Variants in LINGO2 observed in about 807,000 individuals in gnomAD.
LINGO2 encodes the protein leucine-rich repeat and immunoglobulin-like domain-containing nogo receptor-interacting protein 2.
In LINGO2, 14 loss-of-function variants were observed where a neutral mutation model predicts 30.6. The observed-to-expected ratio is 0.46, with a 90% CI of 0.30 to 0.72. The LOEUF (loss-of-function observed/expected upper bound fraction) is 0.72, where lower values mean the gene tolerates loss of function less well. Among genes scored for constraint, LINGO2 ranks in the 30% least tolerant of loss-of-function variants. LINGO2 has a pLI of 0.07. For synonymous variants in LINGO2, 317 were observed against 288.5 expected (o/e 1.10, Z -1.00); for missense variants, 729 against 751.7 (o/e 0.97, Z 0.35).
At chr9:28,594,942 T>C (rs1825103950) in intron 1 of LINGO2, among the ~76,000 whole-genome samples, 1 of 152,124 alleles carries the variant, frequency 6.6e-6, no homozygotes, top group Non-Finnish European at 1.5e-5. Context: ...CTGAACCAGT[T>C]ATTTTCTTTA....
intron 2 of LINGO2, among the ~76,000 whole-genome samples, chr9:28,473,104 T>C (rs1269107306): frequency 2.0e-5 from 3 of 152,156 alleles, no homozygotes; most frequent in Non-Finnish European, 4.4e-5. Context: ...TATTTTTTTC[T>C]TTACTGATCT....
intron 1 of LINGO2, among the ~76,000 whole-genome samples, chr9:28,564,555 G>A (rs1332927750): frequency 6.6e-6 from 1 of 152,028 alleles, no homozygotes; most frequent in African/African-American, 2.4e-5. Context: ...CACTGTTGTA[G>A]TTGCGTTACT....
intron 2 of LINGO2, among the ~76,000 whole-genome samples, chr9:28,421,126 T>A (rs1823177857): frequency 6.6e-6 from 1 of 151,920 alleles, no homozygotes; most frequent in Non-Finnish European, 1.5e-5. Context: ...AAATTCAAAG[T>A]TGTAGAACAC....
chr9:28,481,405 A>G (rs1392308854), intron 1 of LINGO2, among the ~76,000 whole-genome samples: 1 of 152,060 alleles, frequency 6.6e-6, no homozygotes, highest in Non-Finnish European at 1.5e-5. Flanking sequence ...TTTGTCCTCT[A>G]ATTTGCATGA....
chr9:28,717,529 TAAG>T, the LINGO2 span, among the ~76,000 whole-genome samples: 1 of 151,948 alleles, frequency 6.6e-6, no homozygotes, highest in African/African-American at 2.4e-5. Context: ...ACTAAAACTC[TAAG>T]GAGATTTCCC....
the LINGO2 span, among the ~76,000 whole-genome samples, chr9:28,790,566 C>T: frequency 6.6e-6 from 1 of 151,296 alleles, no homozygotes; most frequent in Non-Finnish European, 1.5e-5. Context: ...GATCTCCTGA[C>T]GTCGTGATCC....
At chr9:28,427,210 A>G (rs529443081) in intron 2 of LINGO2, among the ~76,000 whole-genome samples, 24 of 152,090 alleles carry the variant, frequency 1.6e-4, no homozygotes, top group Non-Finnish European at 3.1e-4. Flanking sequence ...ACAAGAAGAC[A>G]TAGTCTAGAG....
chr9:28,941,181 TA>T, the LINGO2 span, among the ~76,000 whole-genome samples: 1 of 152,138 alleles, frequency 6.6e-6, no homozygotes, highest in East Asian at 1.9e-4. Context: ...ATTTATTAGC[TA>T]TGGAAAGCTA....
At chr9:28,275,677 TA>T (rs1823091515) in intron 4 of LINGO2, among the ~76,000 whole-genome samples, 1 of 152,158 alleles carries the variant, frequency 6.6e-6, no homozygotes, top group Admixed American at 6.5e-5. Flanking sequence ...TAAGGCACTA[TA>T]AAAAACAAAG....
chr9:28,586,159 A>G lies in LINGO2; in HGVS notation c.-365+84041T>C, dbSNP rs544930997. ...TTTTAAAATTCAGCCACCGTGGAAC[A>G]TACCTGCAGGAGTTTCTTGTAATTT... On this transcript the variant is annotated intron_variant, in intron 1 of 5. Coordinates refer to ENST00000379992, the Ensembl canonical transcript of LINGO2. Among the ~76,000 whole-genome samples the G allele has an allele frequency of 1.5e-3, 224 of 152,210 alleles. 1 individual carries two copies. The highest frequency in any genetic ancestry group is 5.3e-3 in the African/African-American group (220 of 41,570).
intron 1 of LINGO2, among the ~76,000 whole-genome samples, chr9:28,547,709 A>C (rs1158833108): frequency 6.6e-6 from 1 of 152,138 alleles, no homozygotes; most frequent in Non-Finnish European, 1.5e-5. Context: ...TGAAAATGGA[A>C]TATTACTCAT....
chr9:28,243,730 G>C (rs1472198523), intron 4 of LINGO2, among the ~76,000 whole-genome samples: 1 of 151,956 alleles, frequency 6.6e-6, no homozygotes, highest in Admixed American at 6.6e-5. Context: ...AGAAGAAGAA[G>C]GGCGTTACAT....
chr9:28,945,087 T>C, the LINGO2 span, among the ~76,000 whole-genome samples: 1 of 152,122 alleles, frequency 6.6e-6, no homozygotes, highest in South Asian at 2.1e-4. Context: ...GAAAATTAAA[T>C]TACCCTAGGA....
intron 4 of LINGO2, among the ~76,000 whole-genome samples, chr9:28,264,197 G>C (rs1449175895): frequency 6.6e-6 from 1 of 151,858 alleles, no homozygotes; most frequent in Non-Finnish European, 1.5e-5. Context: ...GAACAGCACA[G>C]CTTTTCTATA....
intron 4 of LINGO2, among the ~76,000 whole-genome samples, chr9:28,294,059 T>G (rs1477613576): frequency 6.6e-6 from 1 of 152,216 alleles, no homozygotes; most frequent in Non-Finnish European, 1.5e-5. Flanking sequence ...TCTACACTAT[T>G]TCAAAAAATT....
At chr9:28,742,388 G>C in the LINGO2 span, among the ~76,000 whole-genome samples, 2 of 151,280 alleles carry the variant, frequency 1.3e-5, no homozygotes, top group African/African-American at 4.9e-5. Context: ...TGTCTGAGGA[G>C]GAATGAGTTG....
the LINGO2 span, among the ~76,000 whole-genome samples, chr9:28,702,106 T>G: frequency 6.6e-6 from 1 of 151,838 alleles, no homozygotes; most frequent in African/African-American, 2.4e-5. Flanking sequence ...TTTGTATACC[T>G]TTTATTTCTT....
chr9:28,336,411 T>A (rs1008098493), intron 3 of LINGO2, among the ~76,000 whole-genome samples: 7 of 152,176 alleles, frequency 4.6e-5, no homozygotes, highest in African/African-American at 1.7e-4. Context: ...ACAAAAGTTA[T>A]TAATTTTGAG....
chr9:28,016,682 T>TAAAAAAAAAAAAAAAAA (rs72138034), intron 4 of LINGO2, among the ~76,000 whole-genome samples: 1 of 115,330 alleles, frequency 8.7e-6, no homozygotes, highest in African/African-American at 3.4e-5. Flanking sequence ...ATTAAACCAG[T>TAAAAAAAAAAAAAAAAA]AAAAAAAAAA....
Sources: gnomAD v4.1 joint callset for allele counts (sites outside exome capture counted in the v4.1 genomes callset) on GRCh38, gnomAD v4.1.1 for gene constraint, MANE v1.5 for transcripts, NCBI Gene and HGNC (gene_info 2026-07-23, HGNC 2026-07-21) for gene names.